The following OR2C1 variants were observed in gnomAD, a reference collection of about 807,000 sequenced individuals.
OR2C1 encodes olfactory receptor 2C1.
For synonymous variants in OR2C1, 209 were observed against 167.3 expected (o/e 1.25, Z -1.92); for missense variants, 468 against 388.3 (o/e 1.21, Z -1.73).
chr16:3,324,030 A>G, the OR2C1 span: 2 of 423,194 alleles, frequency 4.7e-6, no homozygotes, highest in African/African-American at 4.1e-5. Flanking sequence ...GATTTGTACA[A>G]TCAACTGAAT....
At chr16:3,357,849 C>T (rs2030709113), downstream of OR2C1, among the ~76,000 whole-genome samples, 1 of 151,976 alleles carries the variant, frequency 6.6e-6, no homozygotes, top group South Asian at 2.1e-4. Flanking sequence ...TGCATCGTGG[C>T]ACATGCCTGT....
upstream of OR2C1, among the ~76,000 whole-genome samples, chr16:3,354,728 T>TC (rs577358620): frequency 2.0e-5 from 3 of 152,072 alleles, no homozygotes; most frequent in African/African-American, 7.2e-5. Flanking sequence ...TGTGTCTGCT[T>TC]CCCCCCTTCC....
At chr16:3,332,148 G>A in the OR2C1 span, among the ~76,000 whole-genome samples, 5 of 151,074 alleles carry the variant, frequency 3.3e-5, no homozygotes, top group Non-Finnish European at 7.4e-5. Context: ...AGTGGGTGCA[G>A]CGCACCAGCA....
rs1468543325 is a variant in OR2C1, at chr16:3,356,855, G to C, written c.915G>C (p.Leu305=). 6.2e-7 allele frequency: 1 copy of C among 1,600,886 alleles called. No homozygotes were observed. The highest frequency in any genetic ancestry group is 8.5e-7 in the Non-Finnish European group (1 of 1,172,230). ...TGAAGGGCGCACTGAGGAGGTTGCT[G>C]GGGAAAGGAAGAGAAGTTGGCTGAG... ...MEVKGALRRL[L]GKGREVG The change falls in exon 1 of 1, where the codon CTG becomes CTC. Residue 305 remains leucine, a synonymous_variant. Transcript: ENST00000304936.
the OR2C1 span, among the ~76,000 whole-genome samples, chr16:3,327,848 ATT>A: frequency 6.6e-6 from 1 of 150,388 alleles, no homozygotes; most frequent in African/African-American, 2.4e-5. Flanking sequence ...ATTGGCTTTA[ATT>A]TTTTTTTTCT....
chr16:3,336,049 G>A, the OR2C1 span, among the ~76,000 whole-genome samples: 1 of 152,152 alleles, frequency 6.6e-6, no homozygotes, highest in Non-Finnish European at 1.5e-5. Context: ...GATGTTAGCT[G>A]TGGGTTTGTC....
the OR2C1 span, among the ~76,000 whole-genome samples, chr16:3,329,134 A>T: frequency 4.0e-5 from 6 of 148,982 alleles, no homozygotes; most frequent in Non-Finnish European, 8.9e-5. Flanking sequence ...AAAGAGGAAC[A>T]CCTCTAGAAG....
chr16:3,323,598 G>A, the OR2C1 span: 6 of 745,726 alleles, frequency 8.0e-6, no homozygotes, highest in African/African-American at 1.0e-4. Flanking sequence ...TTAAGATGAA[G>A]TCTTGCAATG....
the OR2C1 span, among the ~76,000 whole-genome samples, chr16:3,324,815 A>G: frequency 6.6e-6 from 1 of 152,184 alleles, no homozygotes; most frequent in African/African-American, 2.4e-5. Context: ...ATATACATAT[A>G]TATGCTTACC....
the OR2C1 span, among the ~76,000 whole-genome samples, chr16:3,342,362 A>C: frequency 6.6e-6 from 1 of 152,244 alleles, no homozygotes; most frequent in African/African-American, 2.4e-5. Flanking sequence ...ACATAGACCA[A>C]ATTAGGGGGA....
At chr16:3,327,551 T>A in the OR2C1 span, among the ~76,000 whole-genome samples, 1 of 151,714 alleles carries the variant, frequency 6.6e-6, no homozygotes, top group African/African-American at 2.4e-5. Flanking sequence ...AGTATCCATT[T>A]ATGAGAACAC....
chr16:3,334,563 C>G, the OR2C1 span, among the ~76,000 whole-genome samples: 1 of 149,104 alleles, frequency 6.7e-6, no homozygotes, highest in Non-Finnish European at 1.5e-5. Flanking sequence ...GGAGGCCAAG[C>G]TGGGCAGATT....
chr16:3,346,769 A>G, the OR2C1 span, among the ~76,000 whole-genome samples: 886 of 151,236 alleles, frequency 5.9e-3, 12 homozygotes, highest in African/African-American at 0.02. Context: ...AGCTGGGACT[A>G]CAGACACCCG....
chr16:3,343,412 A>G, the OR2C1 span, among the ~76,000 whole-genome samples: 1 of 152,110 alleles, frequency 6.6e-6, no homozygotes, highest in African/African-American at 2.4e-5. Flanking sequence ...ATTTCTTACA[A>G]CTTTACGTGG....
chr16:3,338,782 C>T, the OR2C1 span, among the ~76,000 whole-genome samples: 3 of 152,148 alleles, frequency 2.0e-5, no homozygotes, highest in East Asian at 1.9e-4. Context: ...GTGATCCGCC[C>T]GCCTCGGCCT....
the OR2C1 span, among the ~76,000 whole-genome samples, chr16:3,346,691 G>A: frequency 4.1e-5 from 6 of 146,686 alleles, no homozygotes; most frequent in African/African-American, 1.5e-4. Context: ...GTGCAGTGGC[G>A]CAATCTTGGC....
Position 3,356,088 on chromosome 16 carries a change from C to T in OR2C1, c.148C>T (p.Arg50Cys), listed in dbSNP as rs775204917. The change falls in exon 1 of 1, where the codon CGC (arginine) becomes TGC (cysteine). Residue 50 changes from arginine (R) to cysteine (C), a missense_variant. Physicochemically the swap from Arg to Cys is radical, Grantham distance 180 (BLOSUM62 -3). Transcript: ENST00000304936. Reference protein sequence around the residue: ...LGNSTIILLSRLEARLHTPMY... With the variant: ...LGNSTIILLSCLEARLHTPMY... The stretch of plus-strand genomic sequence containing the variant: ...GAACTCAACCATCATCTTGCTTTCC[C>T]GCCTGGAGGCCCGGCTCCATACACC... The T allele has an allele frequency of 1.6e-5, 26 of 1,614,048 alleles. No individual in the cohort carries two copies. Among genetic ancestry groups the T allele is most frequent in the Non-Finnish European group, 1.6e-5 (19 of 1,180,046 alleles).
the OR2C1 span, among the ~76,000 whole-genome samples, chr16:3,345,884 A>G: frequency 1.6e-5 from 2 of 124,872 alleles, no homozygotes; most frequent in African/African-American, 3.2e-5. Flanking sequence ...TTCAGACTGG[A>G]GTGCAGTTGT....
At chr16:3,351,826 C>G (rs2030577680), upstream of OR2C1, among the ~76,000 whole-genome samples, 1 of 151,640 alleles carries the variant, frequency 6.6e-6, no homozygotes, top group Admixed American at 6.6e-5. Context: ...CTAGCCTTTT[C>G]CAGTCTAAAT....
Sources: allele counts gnomAD v4.1 joint callset (sites outside exome capture counted in the v4.1 genomes callset), GRCh38; gene constraint gnomAD v4.1.1; transcripts MANE v1.5; gene names NCBI Gene and HGNC (gene_info 2026-07-23, HGNC 2026-07-21).